The following WWOX variants were observed in gnomAD, a reference collection of about 807,000 sequenced individuals.
The protein encoded by WWOX is WW domain containing oxidoreductase, also known as WW domain-containing oxidoreductase.
Under a neutral mutation model 46.2 loss-of-function variants are expected in WWOX, and 69 were observed. The ratio of observed to expected loss-of-function variants is 1.49; its 90% CI spans 1.23 to 1.82. WWOX has a LOEUF of 1.82. Ranked by LOEUF, WWOX falls within the 40% of genes most tolerant of loss-of-function variation. The probability of loss-of-function intolerance (pLI) is 0.00; values close to 1 mark genes in which losing one functional copy is unlikely to be tolerated. For synonymous variants in WWOX, 359 were observed against 202.6 expected (o/e 1.77, Z -6.56); for missense variants, 919 against 542.6 (o/e 1.69, Z -6.89).
intron 8 of WWOX, among the ~76,000 whole-genome samples, chr16:78,790,847 C>G (rs62038601): frequency 0.38 from 57,472 of 151,294 alleles, 11,214 homozygotes; most frequent in South Asian, 0.45. Flanking sequence ...GGTGAAACCT[C>G]ATTTCTACAA....
intron 8 of WWOX, among the ~76,000 whole-genome samples, chr16:79,019,695 A>G (rs972359596): frequency 6.6e-6 from 1 of 151,800 alleles, no homozygotes; most frequent in African/African-American, 2.4e-5. Flanking sequence ...CTAAGGGTGT[A>G]ATTGTTGCAG....
chr16:78,937,177 A>T (rs376177546), intron 8 of WWOX, among the ~76,000 whole-genome samples: 1 of 152,192 alleles, frequency 6.6e-6, no homozygotes, highest in African/African-American at 2.4e-5. Context: ...AGGAACATAC[A>T]TATGGATTTT....
chr16:79,121,535 A>T (rs887624754), intron 8 of WWOX, among the ~76,000 whole-genome samples: 5 of 152,146 alleles, frequency 3.3e-5, no homozygotes, highest in African/African-American at 1.2e-4. Context: ...ACACTCGTCT[A>T]CTTGAACTTC....
intron 8 of WWOX, among the ~76,000 whole-genome samples, chr16:78,916,499 A>T (rs144698868): frequency 6.6e-6 from 1 of 152,208 alleles, no homozygotes; most frequent in African/African-American, 2.4e-5. Flanking sequence ...AAAGCTTTGT[A>T]AAGGAGAATT....
chr16:78,327,693 C>T (rs773483713), intron 5 of WWOX, among the ~76,000 whole-genome samples: 4 of 151,996 alleles, frequency 2.6e-5, no homozygotes, highest in Non-Finnish European at 5.9e-5. Flanking sequence ...TCAGTAGATG[C>T]TTTCCTCTGA....
intron 8 of WWOX, among the ~76,000 whole-genome samples, chr16:79,135,873 C>T (rs2049972508): frequency 6.6e-6 from 1 of 152,092 alleles, no homozygotes; most frequent in Non-Finnish European, 1.5e-5. Flanking sequence ...TCTGAACTGC[C>T]TTTCCATATT....
intron 8 of WWOX, among the ~76,000 whole-genome samples, chr16:78,724,711 C>T (rs1462798000): frequency 6.6e-6 from 1 of 152,124 alleles, no homozygotes; most frequent in African/African-American, 2.4e-5. Flanking sequence ...GAAGCTCGCA[C>T]TCTGTAAGCT....
At chr16:78,173,243 G>A (rs553270779) in intron 5 of WWOX, among the ~76,000 whole-genome samples, 23 of 152,142 alleles carry the variant, frequency 1.5e-4, no homozygotes, top group Non-Finnish European at 2.9e-4. Flanking sequence ...ATCCCAGTGT[G>A]AATACTAACT....
intron 8 of WWOX, among the ~76,000 whole-genome samples, chr16:78,627,320 T>C (rs1468281754): frequency 6.6e-6 from 1 of 152,174 alleles, no homozygotes; most frequent in Non-Finnish European, 1.5e-5. Context: ...AGGGAGGCCA[T>C]CACAAACTAC....
At chr16:78,723,612 C>CTT (rs747176382) in intron 8 of WWOX, among the ~76,000 whole-genome samples, 3 of 117,306 alleles carry the variant, frequency 2.6e-5, no homozygotes, top group African/African-American at 3.5e-5. Flanking sequence ...CTTTTCTTTT[C>CTT]TTTTCTTTTC....
intron 5 of WWOX, among the ~76,000 whole-genome samples, chr16:78,195,205 G>A (rs1449287473): frequency 6.6e-6 from 1 of 152,082 alleles, no homozygotes; most frequent in African/African-American, 2.4e-5. Context: ...CATCTGGGAG[G>A]GACAGCTTGA....
chr16:78,595,536 G>C (rs1246070797), intron 8 of WWOX, among the ~76,000 whole-genome samples: 1 of 152,144 alleles, frequency 6.6e-6, no homozygotes, highest in Non-Finnish European at 1.5e-5. Flanking sequence ...CAATGGTGAG[G>C]TCCTCAATCT....
intron 4 of WWOX, among the ~76,000 whole-genome samples, chr16:78,160,482 A>T (rs554800074): frequency 3.3e-5 from 5 of 152,176 alleles, no homozygotes; most frequent in Non-Finnish European, 7.3e-5. Context: ...GGCTTTAGCT[A>T]TACTCCTTAA....
At position 78,286,603 on chromosome 16, in the gene WWOX, C is replaced by T. The variant is rs1474509225; in HGVS notation, c.517-100257C>T. Among the ~76,000 whole-genome samples the T allele has an allele frequency of 4.0e-5, 6 of 150,990 alleles. No homozygotes were observed. In the East Asian group the frequency reaches 9.7e-4, roughly 24 times the overall value. ...ACTTGATTCTTGATTTTTTTTTTCC[C>T]CTAAGAAATGGAACTGTGGTTTTCA... On this transcript the variant is annotated intron_variant, in intron 5 of 8. Transcript: ENST00000566780.
chr16:78,998,112 G>A (rs1320171172), intron 8 of WWOX, among the ~76,000 whole-genome samples: 3 of 152,120 alleles, frequency 2.0e-5, no homozygotes, highest in African/African-American at 4.8e-5. Flanking sequence ...CTGACCTCAG[G>A]TGATCCCGCC....
At chr16:78,469,057 C>G (rs1328943551) in intron 8 of WWOX, among the ~76,000 whole-genome samples, 1 of 152,172 alleles carries the variant, frequency 6.6e-6, no homozygotes, top group African/African-American at 2.4e-5. Flanking sequence ...GTTGTAACAC[C>G]TGTTCAGTTT....
At chr16:78,586,239 T>A (rs2045204018) in intron 8 of WWOX, among the ~76,000 whole-genome samples, 1 of 152,062 alleles carries the variant, frequency 6.6e-6, no homozygotes, top group Non-Finnish European at 1.5e-5. Flanking sequence ...GGAAGTTGCA[T>A]TGAGCCAAGA....
chr16:78,898,909 C>A (rs543399662), intron 8 of WWOX: 1 of 152,036 alleles, frequency 6.6e-6, no homozygotes, highest in Admixed American at 6.5e-5. Flanking sequence ...TTTTTTCCAA[C>A]TGTTTGTTTC....
chr16:79,164,885 A>G (rs1293423469), intron 8 of WWOX, among the ~76,000 whole-genome samples: 1 of 152,072 alleles, frequency 6.6e-6, no homozygotes, highest in Non-Finnish European at 1.5e-5. Flanking sequence ...ACAAACACAA[A>G]CCAGGCAAAC....
Sources: allele counts gnomAD v4.1 joint callset (sites outside exome capture counted in the v4.1 genomes callset), GRCh38; gene constraint gnomAD v4.1.1; transcripts MANE v1.5; gene names NCBI Gene and HGNC (gene_info 2026-07-23, HGNC 2026-07-21).